Variants in PTDSS1 observed in about 807,000 individuals in gnomAD.
PTDSS1 encodes phosphatidylserine synthase 1.
Under a neutral mutation model 70.5 loss-of-function variants are expected in PTDSS1, and 45 were observed. That is an observed-to-expected ratio of 0.64 (90% CI 0.50 to 0.82). The LOEUF (loss-of-function observed/expected upper bound fraction) is 0.82, where lower values mean the gene tolerates loss of function less well. Ranked by LOEUF, PTDSS1 falls within the 40% of genes least tolerant of loss-of-function variation. The pLI is 0.00. For missense variants in PTDSS1, 417 were observed against 586.1 expected, an observed-to-expected ratio of 0.71 and a Z score of 2.98; for synonymous variants, 188 against 203.8, an observed-to-expected ratio of 0.92 and a Z score of 0.66.
intron 10 of PTDSS1, among the ~76,000 whole-genome samples, chr8:96,322,163 T>TCC (rs1180178119): frequency 6.6e-6 from 1 of 151,964 alleles, no homozygotes; most frequent in Admixed American, 6.6e-5. Context: ...CCCAGCTGCC[T>TCC]CCCCACCACT....
At chr8:96,270,106 C>T (rs1360178789) in intron 1 of PTDSS1, among the ~76,000 whole-genome samples, 1 of 152,152 alleles carries the variant, frequency 6.6e-6, no homozygotes, top group African/African-American at 2.4e-5. Context: ...CTGGCCCCAG[C>T]CTGTACCAGT....
chr8:96,288,746 C>T (rs1473569851), intron 4 of PTDSS1, among the ~76,000 whole-genome samples: 2 of 150,530 alleles, frequency 1.3e-5, no homozygotes, highest in African/African-American at 2.5e-5. Context: ...TCTCCTGCCT[C>T]AGCCTCCTGA....
chr8:96,319,500 A>AAC (rs899034738), intron 9 of PTDSS1, among the ~76,000 whole-genome samples: 61 of 152,100 alleles, frequency 4.0e-4, no homozygotes, highest in Non-Finnish European at 7.2e-4. Flanking sequence ...TTTCTTAAAA[A>AAC]AAAACAAAAA....
At chr8:96,326,641 A>G (rs1334494503) in intron 10 of PTDSS1, among the ~76,000 whole-genome samples, 1 of 152,208 alleles carries the variant, frequency 6.6e-6, no homozygotes, top group Non-Finnish European at 1.5e-5. Flanking sequence ...AGTTGGATGA[A>G]GAGTAGGACA....
chr8:96,321,090 A>G (rs1811367406), intron 10 of PTDSS1, among the ~76,000 whole-genome samples: 1 of 152,260 alleles, frequency 6.6e-6, no homozygotes, highest in South Asian at 2.1e-4. Flanking sequence ...AAATAATCAT[A>G]GAAAATTTCA....
At chr8:96,272,905 C>T (rs552519611) in intron 1 of PTDSS1, among the ~76,000 whole-genome samples, 1 of 152,126 alleles carries the variant, frequency 6.6e-6, no homozygotes, top group South Asian at 2.1e-4. Flanking sequence ...TGTTGAGCCT[C>T]CCTACCTAAG....
chr8:96,333,560 G>T lies in PTDSS1; in HGVS notation c.1416G>T (p.Lys472Asn), dbSNP rs777723258. 5 of 1,606,164 alleles carry T rather than the reference G, an allele frequency of 3.1e-6. No individual in the cohort carries two copies. Among genetic ancestry groups the T allele is most frequent in the Non-Finnish European group, 4.3e-6 (5 of 1,172,732 alleles). ...CAAAAGTCACCAATGGCGTTGGAAA[G>T]AAATGAAAAACCCTGGTTAATCAAA... ...SKSKVTNGVG[K>N]K The change falls in exon 13 of 13, where the codon AAG (lysine) becomes AAT (asparagine). Residue 472 changes from lysine to asparagine, a missense_variant. Coordinates refer to ENST00000517309, the MANE Select transcript of PTDSS1 (RefSeq NM_014754.3).
chr8:96,265,487 A>G (rs1810473249), intron 1 of PTDSS1, among the ~76,000 whole-genome samples: 1 of 152,204 alleles, frequency 6.6e-6, no homozygotes, highest in Non-Finnish European at 1.5e-5. Flanking sequence ...CTTTATCACC[A>G]TCATTAAAAA....
chr8:96,330,498 T>C, intron 11 of PTDSS1: 1 of 538,156 alleles, frequency 1.9e-6, no homozygotes, highest in Non-Finnish European at 3.3e-6. Flanking sequence ...TATTTTTGTC[T>C]AACTTTTGTT....
intron 10 of PTDSS1, among the ~76,000 whole-genome samples, chr8:96,323,158 T>C (rs1269191514): frequency 2.0e-5 from 3 of 152,352 alleles, no homozygotes; most frequent in Non-Finnish European, 1.5e-5. Context: ...CCCCCAGGCC[T>C]GGCAGCTCCA....
rs1810406750 is a variant in PTDSS1 at position 96,261,936 on chromosome 8, C to T, written c.-105C>T. 2.4e-6 allele frequency: 3 copies of T among 1,251,194 alleles called. No homozygotes were observed. The highest frequency in any genetic ancestry group is 2.4e-5 in the Admixed American group (1 of 41,434). 77.5% of individuals were successfully genotyped at this position (1,251,194 alleles called of 1,614,324 possible). ...CCCAGCCTTTGCTGGGCGCCAGACC[C>T]GGCTTTGCCGTCCGGCTATTAGCCT... On this transcript the variant is annotated 5_prime_UTR_variant, in exon 1 of 13. Transcript: ENST00000517309.
intron 7 of PTDSS1, among the ~76,000 whole-genome samples, chr8:96,304,604 G>T (rs1384640106): frequency 6.6e-6 from 1 of 152,174 alleles, no homozygotes; most frequent in Non-Finnish European, 1.5e-5. Context: ...TAATCTGTAG[G>T]GTGCTAAATG....
chr8:96,273,497 T>G, intron 2 of PTDSS1, 107 bp downstream of exon 2: 1 of 881,148 alleles, frequency 1.1e-6, no homozygotes, highest in South Asian at 1.8e-5. Context: ...CTGAGTTTTG[T>G]GTAGTGGTTA....
intron 2 of PTDSS1, 104 bp from the exon 3 acceptor site, chr8:96,284,005 A>C: frequency 4.6e-6 from 4 of 866,616 alleles, no homozygotes; most frequent in Non-Finnish European, 7.2e-6. Context: ...TTAACAGTAG[A>C]GAGCTTTTTC....
intron 6 of PTDSS1, among the ~76,000 whole-genome samples, chr8:96,302,901 G>A (rs1441642801): frequency 6.6e-6 from 1 of 152,100 alleles, no homozygotes; most frequent in East Asian, 1.9e-4. Flanking sequence ...CTGCTTTCTT[G>A]AACACTGCTA....
At chr8:96,281,920 C>A (rs1810743286) in intron 2 of PTDSS1, among the ~76,000 whole-genome samples, 1 of 152,180 alleles carries the variant, frequency 6.6e-6, no homozygotes, top group African/African-American at 2.4e-5. Context: ...CCTTATGACA[C>A]TGTGTGGGGG....
At chr8:96,330,907 C>A in intron 11 of PTDSS1, 119 bp from the exon 12 acceptor site, 1 of 788,360 alleles carries the variant, frequency 1.3e-6, no homozygotes, top group Non-Finnish European at 2.1e-6. Context: ...GGTTCTGTCA[C>A]TTGCCAGTGA....
At chr8:96,283,157 C>T (rs921913058) in intron 2 of PTDSS1, among the ~76,000 whole-genome samples, 2 of 152,202 alleles carry the variant, frequency 1.3e-5, no homozygotes, top group African/African-American at 2.4e-5. Context: ...CTGTCACTAG[C>T]TCCTGAGGCC....
chr8:96,315,332 A>G (rs1811272348), intron 9 of PTDSS1, among the ~76,000 whole-genome samples: 2 of 152,234 alleles, frequency 1.3e-5, no homozygotes, highest in African/African-American at 4.8e-5. Context: ...GCCATGGAGC[A>G]GTGCGTGTGG....
Sources: gnomAD v4.1 joint callset for allele counts (sites outside exome capture counted in the v4.1 genomes callset) on GRCh38, gnomAD v4.1.1 for gene constraint, MANE v1.5 for transcripts, NCBI Gene and HGNC (gene_info 2026-07-23, HGNC 2026-07-21) for gene names.